DPP6: variants seen among roughly 807,000 people sequenced by gnomAD.
DPP6 encodes the protein dipeptidyl peptidase like 6.
In DPP6, 69 loss-of-function variants were observed where a neutral mutation model predicts 122.6. The observed-to-expected ratio is 0.56, with a 90% CI of 0.46 to 0.69. DPP6 has a LOEUF of 0.69. Ranked by LOEUF, DPP6 falls within the 30% of genes least tolerant of loss-of-function variation. The pLI, the probability that DPP6 is intolerant of heterozygous loss-of-function variation, is 0.00. For missense variants in DPP6, 928 were observed against 1,116.9 expected (o/e 0.83, Z 2.41); for synonymous variants, 418 against 433.1 (o/e 0.97, Z 0.43).
chr7:154,257,099 C>T (rs893705969), intron 1 of DPP6, among the ~76,000 whole-genome samples: 1 of 149,450 alleles, frequency 6.7e-6, no homozygotes, highest in Non-Finnish European at 1.5e-5. Flanking sequence ...TGGACTCAAA[C>T]GATCCTCCCA....
In DPP6 at chr7:154,604,286, C is replaced by G. The variant is rs190518141; in HGVS notation, c.628-33535C>G. On this transcript the variant is annotated intron_variant, in intron 5 of 25. Transcript: ENST00000377770. ...CGTCTTTCTCTTCTGTTCTATTTAT[C>G]TATCCTTACACAATACCACACATTA... Among the ~76,000 whole-genome samples, 328 of 120,126 alleles carry G rather than the reference C, an allele frequency of 2.7e-3. 105 individuals carry two copies. In the Admixed American group the frequency reaches 0.03, roughly 11 times the overall value. 78.8% of individuals were successfully genotyped at this position (120,126 alleles called of 152,430 possible).
the DPP6 span, among the ~76,000 whole-genome samples, chr7:153,846,687 C>CTTTTTTTTTTT: frequency 3.8e-5 from 3 of 78,210 alleles, no homozygotes; most frequent in Non-Finnish European, 4.6e-5. Flanking sequence ...TGGCTTGGTT[C>CTTTTTTTTTTT]TTTTTTTTTT....
intron 7 of DPP6, among the ~76,000 whole-genome samples, chr7:154,710,757 T>G (rs1034419181): frequency 1.7e-4 from 26 of 152,158 alleles, no homozygotes; most frequent in African/African-American, 5.1e-4. Flanking sequence ...TGGTGAAGTG[T>G]TTTGTGTGTG....
At chr7:153,870,308 C>A in the DPP6 span, among the ~76,000 whole-genome samples, 1 of 152,172 alleles carries the variant, frequency 6.6e-6, no homozygotes, top group African/African-American at 2.4e-5. Flanking sequence ...TAGATTTGGT[C>A]TTTTCACATA....
intron 1 of DPP6, among the ~76,000 whole-genome samples, chr7:153,985,725 T>C (rs1220980131): frequency 1.3e-5 from 2 of 152,022 alleles, no homozygotes; most frequent in East Asian, 3.9e-4. Flanking sequence ...AAAAGGAAAA[T>C]GACTAAATAA....
intron 4 of DPP6, among the ~76,000 whole-genome samples, chr7:154,550,821 G>T (rs1829578141): frequency 6.7e-6 from 1 of 150,014 alleles, no homozygotes; most frequent in African/African-American, 2.5e-5. Context: ...CGCGATCTCG[G>T]CTCACTGCAA....
chr7:154,552,159 T>A (rs1317104766), intron 4 of DPP6, among the ~76,000 whole-genome samples: 2 of 152,154 alleles, frequency 1.3e-5, no homozygotes, highest in Non-Finnish European at 2.9e-5. Flanking sequence ...AACCAGCTGG[T>A]GTTGATTAGA....
chr7:153,928,395 C>CCTTTTTTTTTTTTTTTTTTT (rs1467865041), intron 1 of DPP6, among the ~76,000 whole-genome samples: 1 of 29,994 alleles, frequency 3.3e-5, no homozygotes, highest in Non-Finnish European at 6.5e-5. Flanking sequence ...TCTTTTCTTT[C>CCTTTTTTTTTTTTTTTTTTT]ATTTTTTTTT....
intron 16 of DPP6, among the ~76,000 whole-genome samples, chr7:154,820,402 C>G (rs2150495367): frequency 6.6e-6 from 1 of 152,204 alleles, no homozygotes; most frequent in Middle Eastern, 3.4e-3. Context: ...CTGCTCAAGA[C>G]TTACAATATT....
intron 6 of DPP6, among the ~76,000 whole-genome samples, chr7:154,664,135 A>G (rs572711900): frequency 6.1e-4 from 90 of 147,612 alleles, no homozygotes; most frequent in African/African-American, 2.2e-3. Context: ...ACCATGGCGT[A>G]TTGGCCGTAG....
chr7:154,212,135 A>G (rs1799775685), intron 1 of DPP6, among the ~76,000 whole-genome samples: 1 of 152,092 alleles, frequency 6.6e-6, no homozygotes, highest in Non-Finnish European at 1.5e-5. Context: ...TGAAACTGCC[A>G]TCACTCCCAT....
intron 1 of DPP6, among the ~76,000 whole-genome samples, chr7:154,325,322 G>A (rs1808354961): frequency 6.6e-6 from 1 of 152,120 alleles, no homozygotes; most frequent in Admixed American, 6.5e-5. Context: ...GCTCAGATGG[G>A]ATGTAGGGCC....
the DPP6 span, among the ~76,000 whole-genome samples, chr7:153,862,866 A>C: frequency 6.6e-6 from 1 of 152,212 alleles, no homozygotes; most frequent in Non-Finnish European, 1.5e-5. Flanking sequence ...ATTTAAAGCA[A>C]ATATCATCAA....
chr7:154,071,662 TGATTTGAAACAAATGCCA>T (rs2150509671), intron 1 of DPP6, among the ~76,000 whole-genome samples: 1 of 152,364 alleles, frequency 6.6e-6, no homozygotes, highest in East Asian at 1.9e-4. Context: ...ACTACCACTA[TGATTTGAAACAAATGCCA>T]GATATCATTT....
At chr7:154,236,660 C>T (rs746105540) in intron 1 of DPP6, among the ~76,000 whole-genome samples, 58 of 152,122 alleles carry the variant, frequency 3.8e-4, no homozygotes, top group Non-Finnish European at 8.8e-5. Flanking sequence ...CAATCCATTC[C>T]TTATGTGGAC....
At chr7:154,032,562 A>G (rs1295409469) in intron 1 of DPP6, among the ~76,000 whole-genome samples, 2 of 152,224 alleles carry the variant, frequency 1.3e-5, no homozygotes. Flanking sequence ...TGTGTTTTAA[A>G]TACATTGTGA....
At chr7:154,309,516 G>C (rs1806670354) in intron 1 of DPP6, among the ~76,000 whole-genome samples, 1 of 152,166 alleles carries the variant, frequency 6.6e-6, no homozygotes, top group Non-Finnish European at 1.5e-5. Context: ...TGGCCTCCCG[G>C]AAGGGCACAT....
intron 5 of DPP6, among the ~76,000 whole-genome samples, chr7:154,582,738 C>T (rs7458507): frequency 0.69 from 104,500 of 152,060 alleles, 38,620 homozygotes; most frequent in Non-Finnish European, 0.83. Flanking sequence ...TCCTCTGGTT[C>T]TTCCCTTCAC....
At chr7:154,766,061 T>C (rs1021592734) in intron 8 of DPP6, among the ~76,000 whole-genome samples, 1 of 152,210 alleles carries the variant, frequency 6.6e-6, no homozygotes, top group African/African-American at 2.4e-5. Flanking sequence ...TATACTTCAT[T>C]ATCACATTAA....
Sources: gnomAD v4.1 joint callset for allele counts (sites outside exome capture counted in the v4.1 genomes callset) on GRCh38, gnomAD v4.1.1 for gene constraint, MANE v1.5 for transcripts, NCBI Gene and HGNC (gene_info 2026-07-23, HGNC 2026-07-21) for gene names.